Variants in ECSCR observed in about 807,000 individuals in gnomAD.
The protein encoded by ECSCR is endothelial cell-specific chemotaxis regulator.
Under a neutral mutation model 16.7 loss-of-function variants are expected in ECSCR, and 12 were observed. The ratio of observed to expected loss-of-function variants is 0.72; its 90% CI spans 0.46 to 1.17. The LOEUF (loss-of-function observed/expected upper bound fraction) is 1.17. Among genes scored for constraint, ECSCR ranks in the 50% most tolerant of loss-of-function variants. The pLI, the probability that ECSCR is intolerant of heterozygous loss-of-function variation, is 0.00. For missense variants in ECSCR, 122 were observed against 116.1 expected (o/e 1.05, Z -0.23); for synonymous variants, 44 against 42.2 (o/e 1.04, Z -0.17).
At chr5:139,452,314 T>C (rs1751077480) in intron 8 of ECSCR, among the ~76,000 whole-genome samples, 1 of 147,430 alleles carries the variant, frequency 6.8e-6, no homozygotes, top group Non-Finnish European at 1.5e-5. Flanking sequence ...TGTGTGTGTG[T>C]GTATAGTATG....
At chr5:139,458,096 C>T (rs1751199779) in intron 2 of ECSCR, 43 bp downstream of exon 2, 1 of 1,538,692 alleles carries the variant, frequency 6.5e-7, no homozygotes, top group Non-Finnish European at 8.8e-7. Context: ...TTCCTAAGCT[C>T]CTAGGCCTAC....
At chr5:139,450,478 T>TAA (rs377766547) in intron 8 of ECSCR, among the ~76,000 whole-genome samples, 5 of 126,814 alleles carry the variant, frequency 3.9e-5, no homozygotes, top group South Asian at 2.6e-4. Context: ...GCCTGTCCCT[T>TAA]AAAAAAAAAA....
At chr5:139,449,052 G>A (rs1313418302) in intron 9 of ECSCR, 26 bp downstream of exon 9, 1 of 1,534,546 alleles carries the variant, frequency 6.5e-7, no homozygotes, top group Non-Finnish European at 8.7e-7. Context: ...ATTTGGGGAA[G>A]GAAGGCAGGA....
intron 8 of ECSCR, 121 bp from the exon 9 acceptor site, chr5:139,449,295 G>C (rs562674138): frequency 1.4e-6 from 1 of 698,248 alleles, no homozygotes; most frequent in Admixed American, 2.6e-5. Flanking sequence ...TTTGGTGGTG[G>C]ATCATGATGA....
intron 1 of ECSCR, 84 bp from the exon 2 acceptor site, chr5:139,458,267 G>T: frequency 7.5e-7 from 1 of 1,341,464 alleles, no homozygotes; most frequent in Non-Finnish European, 1.0e-6. Context: ...ATGCCTTCTG[G>T]CCCAGCCTGG....
chr5:139,449,869 G>A (rs560632773), intron 8 of ECSCR, among the ~76,000 whole-genome samples: 1 of 151,636 alleles, frequency 6.6e-6, no homozygotes, highest in East Asian at 1.9e-4. Context: ...TTACAGGTGT[G>A]AGCCATCGCA....
intron 8 of ECSCR, among the ~76,000 whole-genome samples, chr5:139,451,788 G>A (rs1250003396): frequency 2.7e-5 from 4 of 149,102 alleles, no homozygotes. Flanking sequence ...ATGGGTATGA[G>A]GGTGGGTATG....
chr5:139,450,478 TAAAAA>T (rs377766547), intron 8 of ECSCR, among the ~76,000 whole-genome samples: 2 of 126,776 alleles, frequency 1.6e-5, no homozygotes. Context: ...GCCTGTCCCT[TAAAAA>T]AAAAAAAAAA....
At chr5:139,457,862 C>T in intron 2 of ECSCR, 55 bp from the exon 3 acceptor site, 3 of 1,540,938 alleles carry the variant, frequency 1.9e-6, no homozygotes, top group Non-Finnish European at 2.6e-6. Context: ...GTTCCATCTC[C>T]CTCTCTTGTT....
exon 1 of ECSCR, chr5:139,462,740 GAGTGCT>G: frequency 1.4e-6 from 1 of 714,566 alleles, no homozygotes; most frequent in Non-Finnish European, 2.2e-6. Context: ...AAGAGAGAGG[GAGTGCT>G]GGGGCGGGAT....
At chr5:139,460,198 C>T (rs886677272) in intron 1 of ECSCR, among the ~76,000 whole-genome samples, 2 of 151,708 alleles carry the variant, frequency 1.3e-5, no homozygotes, top group African/African-American at 2.4e-5. Context: ...TGCAGTGGCG[C>T]GATCTCAGCT....
intron 5 of ECSCR, 150 bp downstream of exon 5, chr5:139,456,324 C>T: frequency 2.6e-6 from 1 of 384,054 alleles, no homozygotes; most frequent in East Asian, 3.7e-5. Context: ...ACTTCAGGCC[C>T]AATTGCTGTT....
intron 2 of ECSCR, 158 bp from the exon 3 acceptor site, chr5:139,457,965 G>A: frequency 1.6e-6 from 1 of 612,256 alleles, no homozygotes; most frequent in South Asian, 7.2e-5. Context: ...ATTAGACTCA[G>A]CTAGGCTGAA....
In ECSCR at chr5:139,458,186, G is replaced by C; in HGVS notation, c.62-3C>G. ...CATTGTGGGCTGGGAGTTGTGGCCTGCAAGAGAAAGCAAAACACATAGCTT... is the reference window on the plus strand; with the variant it reads ...CATTGTGGGCTGGGAGTTGTGGCCTCCAAGAGAAAGCAAAACACATAGCTT... On this transcript the variant is annotated splice_region_variant and splice_polypyrimidine_tract_variant and intron_variant, in intron 1 of 9. Coordinates refer to ENST00000618155, the MANE Select transcript of ECSCR (RefSeq NM_001077693.4). 1.3e-6 allele frequency: 2 copies of C among 1,549,662 alleles called. No individual in the cohort carries two copies. Among genetic ancestry groups the C allele is most frequent in the South Asian group, 2.4e-5 (2 of 83,970 alleles).
chr5:139,459,733 T>C (rs1166793303), intron 1 of ECSCR, among the ~76,000 whole-genome samples: 1 of 152,178 alleles, frequency 6.6e-6, no homozygotes, highest in Non-Finnish European at 1.5e-5. Context: ...GCTCCCTTGG[T>C]CTCTCAGCAT....
intron 8 of ECSCR, 39 bp from the exon 9 acceptor site, chr5:139,449,213 G>T (rs1430716735): frequency 6.9e-7 from 1 of 1,456,796 alleles, no homozygotes; most frequent in Non-Finnish European, 9.3e-7. Flanking sequence ...GAGAGGAGGA[G>T]GGCAGGGCAA....
At chr5:139,461,875 G>A (rs1014952512) in intron 1 of ECSCR, among the ~76,000 whole-genome samples, 2 of 152,104 alleles carry the variant, frequency 1.3e-5, no homozygotes, top group African/African-American at 4.8e-5. Flanking sequence ...TGGTCAAAGG[G>A]AAGTTGCTGC....
chr5:139,453,850 G>A (rs1751097940), intron 8 of ECSCR, among the ~76,000 whole-genome samples: 1 of 147,660 alleles, frequency 6.8e-6, no homozygotes, highest in African/African-American at 2.5e-5. Flanking sequence ...TGTGTGTAGT[G>A]TGGGAGGTGC....
chr5:139,452,354 T>A (rs1385049032), intron 8 of ECSCR, among the ~76,000 whole-genome samples: 3 of 149,872 alleles, frequency 2.0e-5, no homozygotes, highest in African/African-American at 7.4e-5. Context: ...GTGTGTGGGG[T>A]GTGGTGTGTG....
Sources: gnomAD v4.1 joint callset for allele counts (sites outside exome capture counted in the v4.1 genomes callset) on GRCh38, gnomAD v4.1.1 for gene constraint, MANE v1.5 for transcripts, NCBI Gene and HGNC (gene_info 2026-07-23, HGNC 2026-07-21) for gene names.